The following ADGRL3 variants were observed in gnomAD, a reference collection of about 807,000 sequenced individuals.
ADGRL3 encodes calcium-independent alpha-latrotoxin receptor 3.
Under a neutral mutation model 153.5 loss-of-function variants are expected in ADGRL3, and 62 were observed. That is an observed-to-expected ratio of 0.40 (90% CI 0.33 to 0.50). The LOEUF is 0.50. ADGRL3 is among the 20% of genes least tolerant of loss of function. ADGRL3 has a pLI of 0.47. For missense variants in ADGRL3, 1,641 were observed against 1,859.4 expected (o/e 0.88, Z 2.16); for synonymous variants, 710 against 672.5 (o/e 1.06, Z -0.86).
intron 2 of ADGRL3, among the ~76,000 whole-genome samples, chr4:61,389,477 T>C (rs2096778135): frequency 6.6e-6 from 1 of 152,196 alleles, no homozygotes; most frequent in Admixed American, 6.5e-5. Context: ...TGTCTGTTTT[T>C]TTACAGAAAT....
At chr4:61,515,266 T>C (rs755470391) in intron 3 of ADGRL3, among the ~76,000 whole-genome samples, 1 of 152,178 alleles carries the variant, frequency 6.6e-6, no homozygotes, top group Non-Finnish European at 1.5e-5. Context: ...GTTCTTTGAC[T>C]AGCAACTTAC....
intron 2 of ADGRL3, among the ~76,000 whole-genome samples, chr4:61,475,586 A>G (rs1322623950): frequency 6.6e-6 from 1 of 152,156 alleles, no homozygotes; most frequent in African/African-American, 2.4e-5. Flanking sequence ...ATGACTACCC[A>G]GTGTAGATCT....
intron 2 of ADGRL3, among the ~76,000 whole-genome samples, chr4:61,411,955 A>G (rs908643412): frequency 2.6e-5 from 4 of 152,366 alleles, no homozygotes; most frequent in South Asian, 2.1e-4. Flanking sequence ...TGAAAAGTTA[A>G]CAATGTGTTA....
At chr4:61,703,750 CTG>C (rs2151348408) in intron 6 of ADGRL3, among the ~76,000 whole-genome samples, 1 of 152,198 alleles carries the variant, frequency 6.6e-6, no homozygotes, top group East Asian at 1.9e-4. Context: ...AAAGACCAAA[CTG>C]TGTCATCACA....
intron 12 of ADGRL3, 44 bp from the exon 13 acceptor site, chr4:61,912,675 G>C: frequency 1.3e-6 from 2 of 1,581,526 alleles, no homozygotes; most frequent in Non-Finnish European, 1.7e-6. Context: ...TCACTAACTT[G>C]TTTTTTCTAT....
intron 2 of ADGRL3, among the ~76,000 whole-genome samples, chr4:61,480,879 C>T (rs931849762): frequency 1.1e-4 from 16 of 152,080 alleles, no homozygotes; most frequent in Non-Finnish European, 1.9e-4. Flanking sequence ...AAATGGCCAA[C>T]AAGTATATGA....
intron 4 of ADGRL3, among the ~76,000 whole-genome samples, chr4:61,542,894 A>G (rs1560812595): frequency 6.6e-6 from 1 of 152,276 alleles, no homozygotes; most frequent in Non-Finnish European, 1.5e-5. Flanking sequence ...TCTATTTGCC[A>G]TATACAATGT....
At chr4:62,014,648 C>T (rs543538855) in intron 21 of ADGRL3, among the ~76,000 whole-genome samples, 80 of 152,276 alleles carry the variant, frequency 5.3e-4, no homozygotes, top group African/African-American at 1.8e-3. Flanking sequence ...TACACATTCT[C>T]CCCAAATTCC....
At position 61,676,889 on chromosome 4, in the gene ADGRL3, A is replaced by G. The variant is rs375658230; in HGVS notation, c.537A>G (p.Pro179=). Residue 179 remains proline, a synonymous_variant, in exon 6 of 27, where the codon CCA becomes CCG. Coordinates refer to ENST00000683033, the MANE Select transcript of ADGRL3 (RefSeq NM_001387552.1). ...CTGATGTTTTTCCAGACCCGTGTCC[A>G]GGAACCTATAAATACCTTGAAGTGC... ...AGPDVFPDPC[P]GTYKYLEVQY... is the part of the protein sequence containing the mutation. 1,979 of 1,612,210 alleles carry G rather than the reference A, an allele frequency of 1.2e-3. 3 individuals are homozygous for G. The highest frequency in any genetic ancestry group is 3.5e-3 in the Middle Eastern group (21 of 6,050).
At chr4:61,238,434 T>C (rs1753652248) in intron 1 of ADGRL3, among the ~76,000 whole-genome samples, 1 of 139,068 alleles carries the variant, frequency 7.2e-6, no homozygotes, top group Admixed American at 7.9e-5. Flanking sequence ...GGGTAAATTC[T>C]AATGTGTGGT....
At chr4:61,307,889 T>C (rs1375238464) in intron 1 of ADGRL3, among the ~76,000 whole-genome samples, 1 of 152,204 alleles carries the variant, frequency 6.6e-6, no homozygotes, top group African/African-American at 2.4e-5. Context: ...CTGTCATTTC[T>C]CAACTAATTG....
chr4:61,456,379 A>G (rs1407338821), intron 2 of ADGRL3, among the ~76,000 whole-genome samples: 1 of 114,086 alleles, frequency 8.8e-6, no homozygotes, highest in Non-Finnish European at 1.9e-5. Context: ...ATATATCTAT[A>G]TATATATATA....
chr4:61,727,531 A>G (rs1197293720), intron 6 of ADGRL3, among the ~76,000 whole-genome samples: 1 of 152,168 alleles, frequency 6.6e-6, no homozygotes, highest in East Asian at 1.9e-4. Flanking sequence ...CACAGTTGTC[A>G]TCATGCAATT....
At chr4:61,503,310 G>T (rs960893004) in intron 3 of ADGRL3, among the ~76,000 whole-genome samples, 4 of 151,978 alleles carry the variant, frequency 2.6e-5, no homozygotes, top group African/African-American at 9.7e-5. Context: ...GAGTAAAATA[G>T]CATTTTTCTA....
chr4:61,956,445 C>G (rs993088891), intron 17 of ADGRL3, among the ~76,000 whole-genome samples: 1 of 152,084 alleles, frequency 6.6e-6, no homozygotes, highest in Non-Finnish European at 1.5e-5. Flanking sequence ...TGACTCTTGT[C>G]AGATGGGTAG....
chr4:61,405,203 T>C (rs1191379872), intron 2 of ADGRL3, among the ~76,000 whole-genome samples: 1 of 152,000 alleles, frequency 6.6e-6, no homozygotes, highest in Non-Finnish European at 1.5e-5. Context: ...TAATGGCAGA[T>C]TAAAAACTAA....
intron 17 of ADGRL3, among the ~76,000 whole-genome samples, chr4:61,953,027 G>C (rs977306080): frequency 6.6e-6 from 1 of 152,042 alleles, no homozygotes; most frequent in Non-Finnish European, 1.5e-5. Context: ...ACCCTATTTT[G>C]ATCTTACAAC....
rs1561398139 is a variant in ADGRL3 at position 61,874,787 on chromosome 4, C to CTT, written c.1481-17868_1481-17867insTT. Among the ~76,000 whole-genome samples, 151 of 88,580 alleles carry CTT rather than the reference C, an allele frequency of 1.7e-3. 1 individual carries two copies. The highest frequency in any genetic ancestry group is 3.3e-3 in the South Asian group (8 of 2,442). 58.1% of individuals were successfully genotyped at this position (88,580 alleles called of 152,430 possible). On this transcript the variant is annotated intron_variant, in intron 9 of 26. Transcript: ENST00000683033. The stretch of plus-strand genomic sequence containing the variant: ...AAATATTTTCAACGACATCAAAATG[C>CTT]TCTTTTTTTTTTTTTTTTTTTTTTT...
chr4:61,886,623 C>CGTTT (rs2098540600), intron 9 of ADGRL3, among the ~76,000 whole-genome samples: 1 of 92,618 alleles, frequency 1.1e-5, no homozygotes, highest in African/African-American at 3.9e-5. Flanking sequence ...GTTTAGACTA[C>CGTTT]ATTTGTTTGT....
Sources: gnomAD v4.1 joint callset for allele counts (sites outside exome capture counted in the v4.1 genomes callset) on GRCh38, gnomAD v4.1.1 for gene constraint, MANE v1.5 for transcripts, NCBI Gene and HGNC (gene_info 2026-07-23, HGNC 2026-07-21) for gene names.